Variants in PAX7 observed in about 807,000 individuals in gnomAD.
PAX7 encodes paired box protein Pax-7.
Under a neutral mutation model 50.7 loss-of-function variants are expected in PAX7, and 18 were observed. The observed-to-expected ratio is 0.36, with a 90% CI of 0.25 to 0.53. The LOEUF (loss-of-function observed/expected upper bound fraction) is 0.53, where lower values mean the gene tolerates loss of function less well. Among genes scored for constraint, PAX7 ranks in the 20% least tolerant of loss-of-function variants. PAX7 has a pLI of 0.93. For synonymous variants in PAX7, 310 were observed against 290.4 expected (o/e 1.07, Z -0.69); for missense variants, 644 against 702.9 (o/e 0.92, Z 0.95).
intron 4 of PAX7, among the ~76,000 whole-genome samples, chr1:18,646,952 G>C (rs2088351111): frequency 7.0e-6 from 1 of 141,850 alleles, no homozygotes; most frequent in Admixed American, 6.9e-5. Flanking sequence ...GTCAAGAGCG[G>C]GCACGCTGGG....
Position 18,703,277 on chromosome 1 carries a change from G to C in PAX7, c.1136G>C (p.Ser379Thr). 1 of 1,614,114 alleles carries C rather than the reference G, an allele frequency of 6.2e-7. No homozygotes were observed. The highest frequency in any genetic ancestry group is 8.5e-7 in the Non-Finnish European group (1 of 1,180,044). The change falls in exon 7 of 9, where the codon AGC becomes ACC. Residue 379 changes from serine to threonine, a missense_variant. Transcript: ENST00000420770. ...CCCTCCAACCACATGAACCCGGTCA[G>C]CAACGGCCTGTCTCCTCAGGTAGGT... is the stretch of plus-strand genomic sequence containing the variant. ...AAPSNHMNPV[S>T]NGLSPQVMSI...
chr1:18,738,799 C>CT (rs1930946295), intron 8 of PAX7, among the ~76,000 whole-genome samples: 1 of 152,188 alleles, frequency 6.6e-6, no homozygotes, highest in Non-Finnish European at 1.5e-5. Context: ...TTAGTGCAGG[C>CT]AGCCACACAC....
At chr1:18,699,039 G>A (rs1371900272) in intron 5 of PAX7, among the ~76,000 whole-genome samples, 2 of 152,212 alleles carry the variant, frequency 1.3e-5, no homozygotes, top group Non-Finnish European at 2.9e-5. Flanking sequence ...ACCAAGCCTT[G>A]TAGCCCCAGC....
intron 4 of PAX7, among the ~76,000 whole-genome samples, chr1:18,660,973 G>A (rs910723670): frequency 6.6e-6 from 1 of 152,188 alleles, no homozygotes; most frequent in Non-Finnish European, 1.5e-5. Context: ...AAGTGAAATA[G>A]TGAGTGTAAG....
intron 8 of PAX7, among the ~76,000 whole-genome samples, chr1:18,744,477 TGGATA>T (rs1394044662): frequency 3.2e-5 from 2 of 61,846 alleles, no homozygotes; most frequent in Non-Finnish European, 6.4e-5. Flanking sequence ...GATGGATGGA[TGGATA>T]AATGGATGGA....
rs541854902 is a variant in PAX7, at chr1:18,643,851, C to G, written c.586+7480C>G. 2.0e-5 allele frequency among the ~76,000 whole-genome samples: 3 copies of G among 152,264 alleles called. No individual in the cohort carries two copies. The South Asian group carries it at 6.2e-4, about 32-fold the overall frequency. ...GGCAGGGCGGGAGGGAGGCCGACCC[C>G]GAGGCGGGAGGCCGGGTTCTGCGCT... On this transcript the variant is annotated intron_variant, in intron 4 of 8. Transcript: ENST00000420770.
At chr1:18,737,557 T>G (rs190470186) in intron 8 of PAX7, among the ~76,000 whole-genome samples, 238 of 152,364 alleles carry the variant, frequency 1.6e-3, no homozygotes, top group Non-Finnish European at 2.6e-3. Context: ...ATGTGATGCT[T>G]CTATTTCAGC....
chr1:18,668,176 G>T (rs1258381225), intron 4 of PAX7, among the ~76,000 whole-genome samples: 1 of 152,184 alleles, frequency 6.6e-6, no homozygotes, highest in East Asian at 1.9e-4. Flanking sequence ...AGCTCCTTGA[G>T]TGATTCCAAG....
chr1:18,667,775 G>T (rs1310092218), intron 4 of PAX7, among the ~76,000 whole-genome samples: 1 of 152,016 alleles, frequency 6.6e-6, no homozygotes, highest in Non-Finnish European at 1.5e-5. Flanking sequence ...CTACTTATGT[G>T]GGATCCCTGT....
chr1:18,708,224 C>G (rs969114489), intron 7 of PAX7, among the ~76,000 whole-genome samples: 1 of 152,194 alleles, frequency 6.6e-6, no homozygotes. Flanking sequence ...CCCTCTGCTC[C>G]GGGCTGAGGG....
At chr1:18,667,352 G>A (rs1278511169) in intron 4 of PAX7, among the ~76,000 whole-genome samples, 1 of 150,620 alleles carries the variant, frequency 6.6e-6, no homozygotes. Context: ...GAGAGTGGAA[G>A]GAAGGAAGGA....
At chr1:18,670,031 C>T (rs575580746) in intron 4 of PAX7, among the ~76,000 whole-genome samples, 4 of 136,718 alleles carry the variant, frequency 2.9e-5, no homozygotes, top group Non-Finnish European at 6.0e-5. Flanking sequence ...TGCAGTGAGC[C>T]GAGATCGTGC....
intron 7 of PAX7, among the ~76,000 whole-genome samples, chr1:18,705,855 G>A (rs777260008): frequency 5.1e-4 from 78 of 152,318 alleles, no homozygotes; most frequent in Non-Finnish European, 9.6e-4. Context: ...AGGGCTGGGA[G>A]GCTGACATGA....
At chr1:18,680,999 C>G (rs938331092) in intron 4 of PAX7, among the ~76,000 whole-genome samples, 3 of 151,858 alleles carry the variant, frequency 2.0e-5, no homozygotes, top group Non-Finnish European at 4.4e-5. Context: ...GAAACCCACT[C>G]TCTACTAAAA....
At chr1:18,661,190 T>C (rs1253021531) in intron 4 of PAX7, among the ~76,000 whole-genome samples, 1 of 152,056 alleles carries the variant, frequency 6.6e-6, no homozygotes, top group African/African-American at 2.4e-5. Flanking sequence ...GAGGCCCCCT[T>C]GCTTGGTGGG....
intron 4 of PAX7, among the ~76,000 whole-genome samples, chr1:18,684,238 G>A (rs572859074): frequency 4.8e-4 from 73 of 152,306 alleles, no homozygotes; most frequent in African/African-American, 1.3e-3. Flanking sequence ...ACAGGGACTC[G>A]GGATCTCCTG....
rs1292448541 is a variant in PAX7, at chr1:18,735,114, C to T, written c.1156-518C>T. Among the ~76,000 whole-genome samples, 7 of 152,066 alleles carry T rather than the reference C, an allele frequency of 4.6e-5. No homozygotes were observed. Among genetic ancestry groups the T allele is most frequent in the Non-Finnish European group, 2.9e-5 (2 of 68,016 alleles). On this transcript the variant is annotated intron_variant, in intron 7 of 8. Transcript: ENST00000420770. The surrounding 1 kb of genome is among the most constrained non-coding windows in gnomAD (Gnocchi z 4.0). ...TCGAAGGGGCAGGAACCTCAGAGTCCGGAGGAGTGGCAGGCAGAGCAAGCC... is the reference window on the plus strand; with the variant it reads ...TCGAAGGGGCAGGAACCTCAGAGTCTGGAGGAGTGGCAGGCAGAGCAAGCC...
At chr1:18,713,056 G>A (rs758610680) in intron 7 of PAX7, among the ~76,000 whole-genome samples, 5 of 152,044 alleles carry the variant, frequency 3.3e-5, no homozygotes, top group Non-Finnish European at 7.4e-5. Flanking sequence ...CCTTCAAGCC[G>A]GGGCAACAGA....
rs1345616441 is a variant in PAX7 at position 18,691,726 on chromosome 1, C to T, written c.587-28C>T. On this transcript the variant is annotated intron_variant, in intron 4 of 8. Coordinates refer to ENST00000420770, the MANE Select transcript of PAX7 (RefSeq NM_001135254.2). Reference sequence around the variant, plus strand: ...CCCTTCCATCTCTCTAAGCCCCTGCCTTCTCCCTCCCTCTCCTCCGGCTGT... The same window carrying T: ...CCCTTCCATCTCTCTAAGCCCCTGCTTTCTCCCTCCCTCTCCTCCGGCTGT... The T allele has an allele frequency of 3.9e-6, 6 of 1,551,198 alleles. No homozygotes were observed. In the South Asian group the frequency reaches 4.8e-5, roughly 12 times the overall value.
Sources: allele counts gnomAD v4.1 joint callset (sites outside exome capture counted in the v4.1 genomes callset), GRCh38; gene constraint gnomAD v4.1.1; non-coding constraint Gnocchi (gnomAD v3.1); transcripts MANE v1.5; gene names NCBI Gene and HGNC (gene_info 2026-07-23, HGNC 2026-07-21).